Variants in STAU1 observed in about 807,000 individuals in gnomAD.
STAU1 encodes the protein double-stranded RNA-binding protein Staufen homolog 1.
Under a neutral mutation model 62.9 loss-of-function variants are expected in STAU1, and 13 were observed. The ratio of observed to expected loss-of-function variants is 0.21; its 90% CI spans 0.13 to 0.33. The LOEUF is 0.33. Among genes scored for constraint, STAU1 ranks in the 10% least tolerant of loss-of-function variants. The probability of loss-of-function intolerance (pLI) is 1.00; values close to 1 mark genes in which losing one functional copy is unlikely to be tolerated. For missense variants in STAU1, 571 were observed against 712.1 expected (o/e 0.80, Z 2.25); for synonymous variants, 269 against 265.1 (o/e 1.01, Z -0.14).
intron 6 of STAU1, among the ~76,000 whole-genome samples, chr20:49,134,121 A>G (rs1313802936): frequency 6.6e-6 from 1 of 152,172 alleles, no homozygotes; most frequent in Non-Finnish European, 1.5e-5. Context: ...CTTATTTCTA[A>G]GGTAAACATT....
chr20:49,147,586 C>T (rs1301007637), intron 5 of STAU1, among the ~76,000 whole-genome samples: 2 of 152,216 alleles, frequency 1.3e-5, no homozygotes, highest in African/African-American at 2.4e-5. Context: ...TATGTACCAC[C>T]ATGCATACCC....
At chr20:49,198,692 T>C in the STAU1 span, among the ~76,000 whole-genome samples, 5 of 148,730 alleles carry the variant, frequency 3.4e-5, no homozygotes, top group African/African-American at 1.2e-4. Flanking sequence ...GGCCAGGCAC[T>C]GTGGCTCCCG....
chr20:49,115,856 G>A lies in STAU1; in HGVS notation c.1644C>T (p.Asn548=), dbSNP rs2145803989. Residue 548 remains asparagine (N), a synonymous_variant, in exon 13 of 14, where the codon AAC becomes AAT. Transcript: ENST00000371856. ...CCAACTCAGACAGCAACTTTAAGAT[G>A]TTCAGCGCAGCCTAGTGGGGATGGA... is the stretch of plus-strand genomic sequence containing the variant. The part of the protein sequence containing the change: ...VESCHDMAAL[N]ILKLLSELDQ... 10 of 1,614,058 alleles carry A rather than the reference G, an allele frequency of 6.2e-6. No homozygotes were observed. Among genetic ancestry groups the A allele is most frequent in the Non-Finnish European group, 8.5e-6 (10 of 1,179,956 alleles).
chr20:49,138,918 T>C (rs1568860071), intron 5 of STAU1, among the ~76,000 whole-genome samples: 1 of 152,260 alleles, frequency 6.6e-6, no homozygotes, highest in East Asian at 1.9e-4. Flanking sequence ...CTACAGAGGT[T>C]TGGCTTGAAA....
At chr20:49,118,197 G>T (rs2092377496) in intron 10 of STAU1, 101 bp from the exon 11 acceptor site, 1 of 1,385,136 alleles carries the variant, frequency 7.2e-7, no homozygotes, top group African/African-American at 1.4e-5. Flanking sequence ...TGGCACGCAT[G>T]GCAGCGCAGG....
At chr20:49,132,846 G>C (rs553409305) in intron 6 of STAU1, among the ~76,000 whole-genome samples, 2 of 152,196 alleles carry the variant, frequency 1.3e-5, no homozygotes, top group Non-Finnish European at 1.5e-5. Flanking sequence ...AACACCTAAC[G>C]AAGCTTCCTA....
At chr20:49,160,331 G>A (rs1275241907) in intron 3 of STAU1, among the ~76,000 whole-genome samples, 3 of 152,168 alleles carry the variant, frequency 2.0e-5, no homozygotes, top group Non-Finnish European at 4.4e-5. Flanking sequence ...AAGGCTTGAG[G>A]TTTGCGTGTG....
chr20:49,122,832 G>A (rs181878928), intron 8 of STAU1, among the ~76,000 whole-genome samples: 110 of 152,240 alleles, frequency 7.2e-4, no homozygotes, highest in African/African-American at 2.0e-3. Flanking sequence ...CAGGAGAATC[G>A]CTTCAATCAG....
the STAU1 span, among the ~76,000 whole-genome samples, chr20:49,201,948 C>T: frequency 1.3e-5 from 2 of 151,504 alleles, no homozygotes; most frequent in African/African-American, 4.9e-5. Flanking sequence ...AGGCCAGGCG[C>T]GGTGGCTCAC....
At chr20:49,135,754 T>C (rs1013911595) in intron 6 of STAU1, 79 bp downstream of exon 6, 1 of 1,042,164 alleles carries the variant, frequency 9.6e-7, no homozygotes. Context: ...TCCAATGATA[T>C]TTAGGGGAAA....
chr20:49,147,948 T>C (rs2093163687), intron 5 of STAU1, among the ~76,000 whole-genome samples: 1 of 152,258 alleles, frequency 6.6e-6, no homozygotes, highest in Non-Finnish European at 1.5e-5. Flanking sequence ...ATACACCAAA[T>C]GGTTACAGTG....
At chr20:49,158,334 G>T in intron 3 of STAU1, 2 of 789,902 alleles carry the variant, frequency 2.5e-6, no homozygotes, top group Non-Finnish European at 3.7e-6. Context: ...TGTAATCACT[G>T]AATATCACTT....
the STAU1 span, among the ~76,000 whole-genome samples, chr20:49,212,627 TAGGCAGA>T: frequency 3.1e-4 from 46 of 148,094 alleles, no homozygotes; most frequent in Non-Finnish European, 3.4e-4. Flanking sequence ...TTTTTTTTTT[TAGGCAGA>T]GTTTTGCTCT....
At chr20:49,135,013 G>A in intron 6 of STAU1, 4 of 1,598,636 alleles carry the variant, frequency 2.5e-6, no homozygotes, top group Non-Finnish European at 3.4e-6. Flanking sequence ...GACCTGGACA[G>A]CGAAGGGAGC....
At chr20:49,191,344 T>G (rs1419066852), upstream of STAU1, among the ~76,000 whole-genome samples, 1 of 152,088 alleles carries the variant, frequency 6.6e-6, no homozygotes, top group Non-Finnish European at 1.5e-5. Flanking sequence ...TGTTCCACTC[T>G]CATAGCCTCT....
the STAU1 span, among the ~76,000 whole-genome samples, chr20:49,215,262 G>A: frequency 3.9e-5 from 6 of 152,112 alleles, no homozygotes; most frequent in African/African-American, 7.2e-5. Flanking sequence ...TGTGGTCACC[G>A]TCTCAGAGAG....
At chr20:49,116,811 C>T (rs2092337584) in intron 12 of STAU1, among the ~76,000 whole-genome samples, 1 of 152,116 alleles carries the variant, frequency 6.6e-6, no homozygotes, top group South Asian at 2.1e-4. Context: ...ACCTGCAATT[C>T]CTTGTTCTGG....
chr20:49,119,829 A>G (rs944511266), intron 9 of STAU1, among the ~76,000 whole-genome samples, 153 bp downstream of exon 9: 2 of 152,140 alleles, frequency 1.3e-5, no homozygotes, highest in Admixed American at 6.5e-5. Context: ...CTCTGAGCAC[A>G]TTATGGTCCA....
At chr20:49,163,204 AATT>A (rs2093475999) in intron 3 of STAU1, among the ~76,000 whole-genome samples, 1 of 151,646 alleles carries the variant, frequency 6.6e-6, no homozygotes, top group Non-Finnish European at 1.5e-5. Context: ...AAAAAAAAAA[AATT>A]GACACTGACA....
Sources: allele counts gnomAD v4.1 joint callset (sites outside exome capture counted in the v4.1 genomes callset), GRCh38; gene constraint gnomAD v4.1.1; transcripts MANE v1.5; gene names NCBI Gene and HGNC (gene_info 2026-07-23, HGNC 2026-07-21).